The following NARS2 variants were observed in gnomAD, a reference collection of about 807,000 sequenced individuals.
NARS2 encodes the protein asparaginyl-tRNA synthetase 2, mitochondrial, also known as asparaginyl-tRNA synthetase.
Under a neutral mutation model 62.9 loss-of-function variants are expected in NARS2, and 60 were observed. The ratio of observed to expected loss-of-function variants is 0.95; its 90% CI spans 0.77 to 1.18. The LOEUF is 1.18. NARS2 is among the 50% of genes most tolerant of loss of function. NARS2 has a pLI of 0.00. For missense variants in NARS2, 619 were observed against 576.4 expected, an observed-to-expected ratio of 1.07 and a Z score of -0.76; for synonymous variants, 196 against 200.0, an observed-to-expected ratio of 0.98 and a Z score of 0.17.
intron 5 of NARS2, among the ~76,000 whole-genome samples, chr11:78,538,981 C>T (rs1474216983): frequency 9.0e-5 from 8 of 89,322 alleles, no homozygotes; most frequent in South Asian, 5.6e-4. Flanking sequence ...GGCGACAGAG[C>T]GAGAATCCGT....
chr11:78,516,755 A>G (rs1021020488), intron 6 of NARS2, among the ~76,000 whole-genome samples: 1 of 152,236 alleles, frequency 6.6e-6, no homozygotes. Flanking sequence ...AATAATTTCA[A>G]TATTTTCTGA....
chr11:78,526,467 A>C (rs1861296996), intron 6 of NARS2, among the ~76,000 whole-genome samples: 2 of 152,176 alleles, frequency 1.3e-5, no homozygotes, highest in African/African-American at 4.8e-5. Flanking sequence ...ATTCAAGAAA[A>C]AACAAAGCTG....
chr11:78,528,646 A>G (rs1490905689), intron 6 of NARS2, among the ~76,000 whole-genome samples, 196 bp downstream of exon 6: 1 of 152,182 alleles, frequency 6.6e-6, no homozygotes, highest in Non-Finnish European at 1.5e-5. Flanking sequence ...AAAAATGACA[A>G]CTTTGTATTT....
intron 1 of NARS2, among the ~76,000 whole-genome samples, chr11:78,572,015 C>G (rs561718057): frequency 6.6e-6 from 1 of 152,120 alleles, no homozygotes; most frequent in East Asian, 1.9e-4. Flanking sequence ...AACCCTGTCT[C>G]TACCGAAAAT....
chr11:78,561,497 C>T (rs1233565780), intron 4 of NARS2, among the ~76,000 whole-genome samples: 1 of 152,154 alleles, frequency 6.6e-6, no homozygotes, highest in African/African-American at 2.4e-5. Context: ...TTTCAGATTC[C>T]ACCCATCACC....
intron 11 of NARS2, among the ~76,000 whole-genome samples, chr11:78,455,125 T>G (rs1858111461): frequency 6.6e-6 from 1 of 152,010 alleles, no homozygotes; most frequent in Non-Finnish European, 1.5e-5. Context: ...GTCAGGTTAA[T>G]TTTTTCATCT....
At chr11:78,504,441 T>TGC (rs1860410012) in intron 6 of NARS2, among the ~76,000 whole-genome samples, 2 of 151,564 alleles carry the variant, frequency 1.3e-5, no homozygotes, top group African/African-American at 4.8e-5. Flanking sequence ...CCAGTTTTTT[T>TGC]TTTTTTTTTT....
intron 6 of NARS2, among the ~76,000 whole-genome samples, chr11:78,498,773 T>G (rs1449711297): frequency 6.6e-6 from 1 of 151,854 alleles, no homozygotes; most frequent in African/African-American, 2.4e-5. Context: ...AATAAAAAAT[T>G]TACATCAATC....
intron 6 of NARS2, among the ~76,000 whole-genome samples, chr11:78,508,435 A>T (rs561257834): frequency 1.6e-4 from 24 of 152,226 alleles, no homozygotes; most frequent in Non-Finnish European, 3.2e-4. Context: ...CCAAAGATAC[A>T]AAAATTAGCT....
At chr11:78,529,540 C>T (rs1166420644) in intron 5 of NARS2, among the ~76,000 whole-genome samples, 1 of 152,138 alleles carries the variant, frequency 6.6e-6, no homozygotes, top group African/African-American at 2.4e-5. Context: ...GGTGATTATT[C>T]CATCTGAAAT....
At chr11:78,444,672 T>C (rs1025201345) in intron 11 of NARS2, among the ~76,000 whole-genome samples, 5 of 148,708 alleles carry the variant, frequency 3.4e-5, no homozygotes, top group East Asian at 2.0e-4. Context: ...CGAGCCAAGA[T>C]TGCACCACTG....
chr11:78,551,308 C>T (rs1483694937), intron 5 of NARS2, among the ~76,000 whole-genome samples: 1 of 152,176 alleles, frequency 6.6e-6, no homozygotes, highest in Non-Finnish European at 1.5e-5. Flanking sequence ...TACCCCCAGG[C>T]TACAAACCTG....
intron 5 of NARS2, chr11:78,555,266 C>T (rs1856307303): frequency 6.6e-6 from 1 of 152,136 alleles, no homozygotes; most frequent in South Asian, 2.1e-4. Context: ...AGGAGAAGTT[C>T]CCCCTCCATA....
intron 7 of NARS2, 59 bp downstream of exon 7, chr11:78,493,004 T>C (rs1859891278): frequency 6.8e-7 from 1 of 1,462,394 alleles, no homozygotes; most frequent in African/African-American, 1.6e-5. Context: ...GAGGTAAAAA[T>C]ATATACAGAA....
At chr11:78,443,457 G>A (rs1049956485) in intron 12 of NARS2, among the ~76,000 whole-genome samples, 1 of 152,128 alleles carries the variant, frequency 6.6e-6, no homozygotes, top group Non-Finnish European at 1.5e-5. Flanking sequence ...ATATCACTGT[G>A]GGTTTTTCAT....
chr11:78,455,475 C>T (rs181672341), intron 11 of NARS2, among the ~76,000 whole-genome samples: 165 of 152,162 alleles, frequency 1.1e-3, no homozygotes, highest in East Asian at 3.9e-4. Flanking sequence ...AAGCACCATA[C>T]GGATCAATAA....
chr11:78,527,433 T>C (rs1430473875), intron 6 of NARS2, among the ~76,000 whole-genome samples: 1 of 152,210 alleles, frequency 6.6e-6, no homozygotes, highest in Non-Finnish European at 1.5e-5. Context: ...AATCTCACCA[T>C]GTTATTATGA....
intron 4 of NARS2, among the ~76,000 whole-genome samples, chr11:78,565,638 T>C (rs115657680): frequency 0.029 from 4,469 of 152,174 alleles, 219 homozygotes; most frequent in African/African-American, 0.1. Context: ...CAGTATTAGG[T>C]AGATCAGTGC....
chr11:78,572,428 T>C (rs946983201), intron 1 of NARS2, among the ~76,000 whole-genome samples: 2 of 152,008 alleles, frequency 1.3e-5, no homozygotes, highest in Admixed American at 6.6e-5. Flanking sequence ...ATTAGTAGAG[T>C]TGAGATTCAA....
Sources: allele counts gnomAD v4.1 joint callset (sites outside exome capture counted in the v4.1 genomes callset), GRCh38; gene constraint gnomAD v4.1.1; transcripts MANE v1.5; gene names NCBI Gene and HGNC (gene_info 2026-07-23, HGNC 2026-07-21).